PCDH15: variants seen among roughly 807,000 people sequenced by gnomAD.
PCDH15 encodes protocadherin-15.
A neutral mutation model predicts 178.5 loss-of-function variants in PCDH15; 129 were observed. The observed-to-expected ratio is 0.72, with a 90% confidence interval of 0.63 to 0.84. The LOEUF (loss-of-function observed/expected upper bound fraction) is 0.84, where lower values mean the gene tolerates loss of function less well. Ranked by LOEUF, PCDH15 falls within the 40% of genes least tolerant of loss-of-function variation. The probability of loss-of-function intolerance (pLI) is 0.00; values close to 1 mark genes in which losing one functional copy is unlikely to be tolerated. For missense variants in PCDH15, 2,230 were observed against 2,099.9 expected (o/e 1.06, Z -1.21); for synonymous variants, 800 against 732.0 (o/e 1.09, Z -1.50).
At chr10:54,893,648 C>G (rs1223748698) in intron 3 of PCDH15, among the ~76,000 whole-genome samples, 1 of 151,952 alleles carries the variant, frequency 6.6e-6, no homozygotes, top group Non-Finnish European at 1.5e-5. Flanking sequence ...ATTAAATTAA[C>G]AAATACTGAA....
At chr10:54,425,619 G>C (rs192334289) in intron 3 of PCDH15, among the ~76,000 whole-genome samples, 1 of 152,198 alleles carries the variant, frequency 6.6e-6, no homozygotes, top group East Asian at 1.9e-4. Flanking sequence ...TTTTTTTATA[G>C]ATTCAAAATA....
intron 3 of PCDH15, among the ~76,000 whole-genome samples, chr10:54,875,664 A>G (rs959584306): frequency 1.3e-5 from 2 of 152,220 alleles, no homozygotes; most frequent in African/African-American, 4.8e-5. Context: ...AGATCAAACC[A>G]GGTGCAACAT....
chr10:54,630,629 A>G (rs765233534), intron 2 of PCDH15, among the ~76,000 whole-genome samples: 19 of 152,160 alleles, frequency 1.2e-4, no homozygotes, highest in Non-Finnish European at 2.6e-4. Flanking sequence ...GTAATTGCAA[A>G]AACAAAAATT....
intron 32 of PCDH15, chr10:53,822,051 A>G: frequency 6.2e-7 from 1 of 1,614,044 alleles, no homozygotes; most frequent in Non-Finnish European, 8.5e-7. Flanking sequence ...TGATTTTTCA[A>G]GTTCTGCTAA....
intron 36 of PCDH15, among the ~76,000 whole-genome samples, 194 bp from the exon 37 acceptor site, chr10:53,810,858 AT>A (rs1483702216): frequency 6.6e-6 from 1 of 152,182 alleles, no homozygotes; most frequent in Non-Finnish European, 1.5e-5. Flanking sequence ...GATTTTTGCC[AT>A]AATGGTACCC....
chr10:54,497,970 T>C (rs1011682801), intron 3 of PCDH15, among the ~76,000 whole-genome samples: 3 of 151,858 alleles, frequency 2.0e-5, no homozygotes, highest in South Asian at 4.1e-4. Flanking sequence ...AGACAGAGAA[T>C]ATATAAGATG....
At chr10:54,374,521 T>C (rs1050985330) in intron 4 of PCDH15, among the ~76,000 whole-genome samples, 14 of 152,082 alleles carry the variant, frequency 9.2e-5, no homozygotes, top group African/African-American at 3.1e-4. Flanking sequence ...ATTTTGGCCA[T>C]GTGAGACAAT....
intron 20 of PCDH15, among the ~76,000 whole-genome samples, chr10:54,009,516 C>A (rs1188829647): frequency 6.6e-6 from 1 of 152,106 alleles, no homozygotes; most frequent in Non-Finnish European, 1.5e-5. Context: ...AGGTGGGGGC[C>A]AAGAGAACTA....
intron 1 of PCDH15, among the ~76,000 whole-genome samples, chr10:55,229,241 T>C (rs1841143737): frequency 6.6e-6 from 1 of 151,850 alleles, no homozygotes; most frequent in South Asian, 2.1e-4. Context: ...TAAGGTATTA[T>C]TTGAAAAAAA....
chr10:53,901,711 C>T (rs2082347308), intron 26 of PCDH15, among the ~76,000 whole-genome samples: 1 of 152,140 alleles, frequency 6.6e-6, no homozygotes, highest in Non-Finnish European at 1.5e-5. Flanking sequence ...TCACACTAGC[C>T]TCCAGCTCCC....
At chr10:55,624,173 T>C (rs554782456) in intron 2 of PCDH15, among the ~76,000 whole-genome samples, 1 of 152,122 alleles carries the variant, frequency 6.6e-6, no homozygotes, top group Admixed American at 6.5e-5. Context: ...GTGGTTAATA[T>C]GAAGCAAAAA....
At chr10:53,982,842 A>G (rs540271510) in intron 21 of PCDH15, among the ~76,000 whole-genome samples, 1 of 151,974 alleles carries the variant, frequency 6.6e-6, no homozygotes, top group South Asian at 2.1e-4. Flanking sequence ...AATATAAAAA[A>G]AGAAAATATA....
At chr10:54,294,642 T>C (rs961882492) in intron 8 of PCDH15, among the ~76,000 whole-genome samples, 1 of 152,070 alleles carries the variant, frequency 6.6e-6, no homozygotes, top group African/African-American at 2.4e-5. Flanking sequence ...CTTAGCATAA[T>C]TGAAAGGTGT....
rs372929950 is a variant in PCDH15, at chr10:53,952,371, G to A, written c.3122+7361C>T. 3.9e-5 allele frequency among the ~76,000 whole-genome samples: 6 copies of A among 152,284 alleles called. No individual in the cohort carries two copies. The South Asian group carries it at 1.2e-3, about 32-fold the overall frequency. On this transcript the variant is annotated intron_variant, in intron 23 of 37. Transcript: ENST00000644397. Reference sequence around the variant, plus strand: ...ATAGGCAGCTCCTATATGCAGGCAGGCTGTCCCGATGTCTGCAGCCCTCAG... The same window carrying A: ...ATAGGCAGCTCCTATATGCAGGCAGACTGTCCCGATGTCTGCAGCCCTCAG...
chr10:54,320,030 A>G (rs564539826), intron 7 of PCDH15, among the ~76,000 whole-genome samples: 13 of 152,250 alleles, frequency 8.5e-5, no homozygotes, highest in Non-Finnish European at 1.9e-4. Flanking sequence ...ATAGCTTAAA[A>G]AAACACAAAA....
intron 2 of PCDH15, 31 bp from the exon 3 acceptor site, chr10:54,527,908 T>C (rs772346624): frequency 3.0e-5 from 46 of 1,557,764 alleles, no homozygotes; most frequent in Non-Finnish European, 4.0e-5. Flanking sequence ...AAAGTAATAA[T>C]TGACTGCAGG....
chr10:54,488,320 A>C (rs2079279786), intron 3 of PCDH15, among the ~76,000 whole-genome samples: 1 of 151,872 alleles, frequency 6.6e-6, no homozygotes, highest in Non-Finnish European at 1.5e-5. Context: ...CTAAAGTAGA[A>C]TATTAAAATA....
intron 7 of PCDH15, among the ~76,000 whole-genome samples, chr10:54,319,567 A>G (rs2061466763): frequency 6.6e-6 from 1 of 152,176 alleles, no homozygotes. Context: ...TGGAGTGATT[A>G]AAATGTTTGG....
intron 1 of PCDH15, among the ~76,000 whole-genome samples, chr10:55,302,392 GGA>G (rs1185860854): frequency 6.6e-6 from 1 of 152,072 alleles, no homozygotes; most frequent in Non-Finnish European, 1.5e-5. Context: ...TAAATATAAT[GGA>G]GAGAGAGATG....
Sources: allele counts gnomAD v4.1 joint callset (sites outside exome capture counted in the v4.1 genomes callset), GRCh38; gene constraint gnomAD v4.1.1; transcripts MANE v1.5; gene names NCBI Gene and HGNC (gene_info 2026-07-23, HGNC 2026-07-21).